The following GRIA4 variants were observed in gnomAD, a reference collection of about 807,000 sequenced individuals.
GRIA4 encodes glutamate receptor 4.
In GRIA4, 34 loss-of-function variants were observed where a neutral mutation model predicts 104.0. The observed-to-expected ratio is 0.33, with a 90% CI of 0.25 to 0.44. GRIA4 has a LOEUF of 0.44. GRIA4 is among the 20% of genes least tolerant of loss of function. The pLI is 1.00. For synonymous variants in GRIA4, 386 were observed against 381.9 expected, an observed-to-expected ratio of 1.01 and a Z score of -0.13; for missense variants, 750 against 1,096.5, an observed-to-expected ratio of 0.68 and a Z score of 4.46.
At chr11:105,912,229 G>A in intron 10 of GRIA4, 2 of 987,914 alleles carry the variant, frequency 2.0e-6, no homozygotes, top group Non-Finnish European at 2.4e-6. Context: ...TCCAAGGGTA[G>A]ATTTTCTATA....
intron 4 of GRIA4, among the ~76,000 whole-genome samples, chr11:105,782,029 G>A (rs911692274): frequency 1.2e-4 from 19 of 152,278 alleles, no homozygotes; most frequent in Non-Finnish European, 2.8e-4. Context: ...ATAGATGAAA[G>A]CTTGCAACCT....
At chr11:105,664,719 G>C (rs929477464) in intron 3 of GRIA4, among the ~76,000 whole-genome samples, 1 of 151,930 alleles carries the variant, frequency 6.6e-6, no homozygotes, top group Non-Finnish European at 1.5e-5. Context: ...GTCTTCAAAA[G>C]AGAAATCACT....
chr11:105,663,494 T>A (rs1343559882), intron 3 of GRIA4, among the ~76,000 whole-genome samples: 1 of 151,934 alleles, frequency 6.6e-6, no homozygotes, highest in Non-Finnish European at 1.5e-5. Flanking sequence ...AAGTGACAAG[T>A]GCTGCAATAG....
chr11:105,657,374 T>TA (rs1444950317), intron 3 of GRIA4, among the ~76,000 whole-genome samples: 1 of 151,930 alleles, frequency 6.6e-6, no homozygotes, highest in Non-Finnish European at 1.5e-5. Context: ...CCTACTGAAA[T>TA]AAAAAATAAT....
chr11:105,914,078 C>A (rs926196132), intron 10 of GRIA4, among the ~76,000 whole-genome samples: 1 of 151,528 alleles, frequency 6.6e-6, no homozygotes, highest in Non-Finnish European at 1.5e-5. Flanking sequence ...TATATACAGA[C>A]ATACATACAG....
chr11:105,926,717 G>A, intron 12 of GRIA4, 24 bp from the exon 13 acceptor site: 1 of 1,451,358 alleles, frequency 6.9e-7, no homozygotes, highest in Non-Finnish European at 9.7e-7. Context: ...AAAGGAAAAT[G>A]TGCATTATTT....
At chr11:105,630,906 C>T (rs771893898) in intron 3 of GRIA4, among the ~76,000 whole-genome samples, 1 of 152,114 alleles carries the variant, frequency 6.6e-6, no homozygotes, top group African/African-American at 2.4e-5. Flanking sequence ...CCTCCATCCT[C>T]CCTCTGAGTT....
At chr11:105,832,416 T>A (rs1944008513) in intron 4 of GRIA4, among the ~76,000 whole-genome samples, 1 of 151,716 alleles carries the variant, frequency 6.6e-6, no homozygotes, top group African/African-American at 2.4e-5. Flanking sequence ...GCATCTAGGA[T>A]GACTTTAAAT....
At chr11:105,800,977 T>C (rs904073174) in intron 4 of GRIA4, among the ~76,000 whole-genome samples, 4 of 151,912 alleles carry the variant, frequency 2.6e-5, no homozygotes, top group Admixed American at 6.6e-5. Flanking sequence ...ACATAAAGTA[T>C]AAATTAACTA....
intron 5 of GRIA4, among the ~76,000 whole-genome samples, chr11:105,885,478 C>T (rs1946221605): frequency 6.6e-6 from 1 of 152,142 alleles, no homozygotes; most frequent in African/African-American, 2.4e-5. Context: ...ACTTCCAAGA[C>T]AGTAAAGAAA....
chr11:105,933,798 C>T lies in GRIA4; in HGVS notation c.2123C>T (p.Thr708Ile), dbSNP rs758874794. 4.3e-6 allele frequency: 7 copies of T among 1,612,946 alleles called. No homozygotes were observed. The highest frequency in any genetic ancestry group is 5.9e-6 in the Non-Finnish European group (7 of 1,179,174). Reference sequence around the variant, plus strand: ...GAGCCATCAGTATTCACTAGGACTACAGCTGAGGGAGTAGCTCGTGTCCGC... The same window carrying T: ...GAGCCATCAGTATTCACTAGGACTATAGCTGAGGGAGTAGCTCGTGTCCGC... ...SAEPSVFTRT[T>I]AEGVARVRKS... Residue 708 changes from threonine to isoleucine, a missense_variant, in exon 14 of 17, where the codon ACA becomes ATA. This residue lies in a region of GRIA4 where 272 missense variants were observed against 524.5 expected (regional missense o/e 0.52). Transcript: ENST00000282499.
intron 3 of GRIA4, among the ~76,000 whole-genome samples, chr11:105,635,055 G>A (rs913546057): frequency 3.3e-5 from 5 of 152,070 alleles, no homozygotes; most frequent in African/African-American, 1.2e-4. Context: ...AATAAATTCG[G>A]TGATACACAG....
chr11:105,614,420 G>C (rs1306438380), intron 3 of GRIA4: 1 of 151,770 alleles, frequency 6.6e-6, no homozygotes, highest in African/African-American at 2.4e-5. Flanking sequence ...GTGAAATAAA[G>C]TGTTACTGGT....
chr11:105,639,803 G>T (rs1323339203), intron 3 of GRIA4, among the ~76,000 whole-genome samples: 1 of 151,986 alleles, frequency 6.6e-6, no homozygotes, highest in East Asian at 1.9e-4. Flanking sequence ...TTCTTCCATT[G>T]TTCCATAGTA....
chr11:105,680,646 G>T (rs1244539522), intron 3 of GRIA4, among the ~76,000 whole-genome samples: 1 of 151,988 alleles, frequency 6.6e-6, no homozygotes, highest in Non-Finnish European at 1.5e-5. Context: ...GAACTTCTGT[G>T]CTTTTTAAAA....
chr11:105,793,215 G>A (rs1168916411), intron 4 of GRIA4, among the ~76,000 whole-genome samples: 1 of 152,104 alleles, frequency 6.6e-6, no homozygotes, highest in Non-Finnish European at 1.5e-5. Flanking sequence ...ATTAGACAAG[G>A]CCGATGGAGT....
intron 14 of GRIA4, among the ~76,000 whole-genome samples, chr11:105,956,723 A>G (rs1449323504): frequency 6.6e-6 from 1 of 152,192 alleles, no homozygotes; most frequent in African/African-American, 2.4e-5. Context: ...CAGTCCCATC[A>G]ACAGCGTAAA....
At position 105,821,636 on chromosome 11, in the gene GRIA4, C is replaced by G. The variant is rs569452323; in HGVS notation, c.488-40388C>G. On this transcript the variant is annotated intron_variant, in intron 4 of 16. Transcript: ENST00000282499. ...ACAGCACCCAGCCATGAGGGATCCA[C>G]CCCCATGACTCAAACACCTCCCACC... Among the ~76,000 whole-genome samples, 11 of 152,028 alleles carry G rather than the reference C, an allele frequency of 7.2e-5. No individual in the cohort carries two copies. The South Asian group carries it at 2.3e-3, about 32-fold the overall frequency.
intron 3 of GRIA4, among the ~76,000 whole-genome samples, chr11:105,642,583 T>C (rs1452455997): frequency 2.1e-5 from 3 of 145,714 alleles, no homozygotes; most frequent in Non-Finnish European, 4.5e-5. Flanking sequence ...CAGCACCTCT[T>C]CTCACACACT....
Sources: allele counts gnomAD v4.1 joint callset (sites outside exome capture counted in the v4.1 genomes callset), GRCh38; gene constraint gnomAD v4.1.1; regional missense constraint gnomAD v4.1.1; transcripts MANE v1.5; gene names NCBI Gene and HGNC (gene_info 2026-07-23, HGNC 2026-07-21).